The following LRFN5 variants were observed in gnomAD, a reference collection of about 807,000 sequenced individuals.
LRFN5 encodes the protein leucine rich repeat and fibronectin type III domain containing 5.
Under a neutral mutation model 45.6 loss-of-function variants are expected in LRFN5, and 24 were observed. The observed-to-expected ratio is 0.53, with a 90% CI of 0.38 to 0.74. LRFN5 has a LOEUF of 0.74. Among genes scored for constraint, LRFN5 ranks in the 30% least tolerant of loss-of-function variants. The pLI is 0.00. For synonymous variants in LRFN5, 340 were observed against 313.8 expected, an observed-to-expected ratio of 1.08 and a Z score of -0.88; for missense variants, 776 against 861.5, an observed-to-expected ratio of 0.90 and a Z score of 1.24.
chr14:41,769,195 C>CTT (rs1885993338), intron 2 of LRFN5, among the ~76,000 whole-genome samples: 1 of 151,930 alleles, frequency 6.6e-6, no homozygotes, highest in Middle Eastern at 3.2e-3. Context: ...AATGGAATAC[C>CTT]AGAAACTTTC....
intron 2 of LRFN5, among the ~76,000 whole-genome samples, chr14:41,787,982 CTCTT>C (rs1411700760): frequency 6.6e-6 from 1 of 152,018 alleles, no homozygotes; most frequent in Non-Finnish European, 1.5e-5. Flanking sequence ...TGCTGTGTCT[CTCTT>C]TCTAACACAT....
At chr14:41,854,834 G>A (rs1889397397) in intron 2 of LRFN5, among the ~76,000 whole-genome samples, 1 of 152,054 alleles carries the variant, frequency 6.6e-6, no homozygotes, top group African/African-American at 2.4e-5. Flanking sequence ...TTATCTTGTA[G>A]GTTTTAAACT....
At chr14:41,757,782 A>G (rs911121557) in intron 1 of LRFN5, among the ~76,000 whole-genome samples, 11 of 151,600 alleles carry the variant, frequency 7.3e-5, no homozygotes, top group Admixed American at 7.2e-4. Context: ...ACTGTCTGAC[A>G]CTCCCCAGTG....
intron 2 of LRFN5, among the ~76,000 whole-genome samples, chr14:41,804,388 A>C (rs1887447420): frequency 6.6e-6 from 1 of 152,134 alleles, no homozygotes; most frequent in South Asian, 2.1e-4. Flanking sequence ...TCAGAAATGC[A>C]AAAGCCTGAA....
rs1887539483 is a variant in LRFN5, at chr14:41,607,522, T to TGCGTGTGTGTGTGCGC, written c.-1233_-1218dup. On this transcript the variant is annotated 5_prime_UTR_variant, in exon 1 of 6. Coordinates refer to ENST00000298119, the MANE Select transcript of LRFN5 (RefSeq NM_152447.5). ...TTTTGTAAGCCGCTTTCCAGCTAGC[T>TGCGTGTGTGTGTGCGC]GCGTGTGTGTGTGCGCGCGCGTGTG... The TGCGTGTGTGTGTGCGC allele has an allele frequency of 6.6e-6, 1 of 151,870 alleles. No individual in the cohort carries two copies. Among genetic ancestry groups the TGCGTGTGTGTGTGCGC allele is most frequent in the Non-Finnish European group, 1.5e-5 (1 of 68,020 alleles). 9.4% of individuals were successfully genotyped at this position (151,870 alleles called of 1,614,324 possible). A position where few individuals can be genotyped will look rare whatever the true frequency, so the allele number is the denominator to read the frequency against.
At position 41,886,739 on chromosome 14, in the gene LRFN5, C is replaced by T; in HGVS notation, c.114C>T (p.Ala38=). Residue 38 remains alanine, a synonymous_variant, in exon 3 of 6, where the codon GCC becomes GCT. Coordinates refer to ENST00000298119, the MANE Select transcript of LRFN5 (RefSeq NM_152447.5). ...ILSPNLATLC[A]KKGLLFVPPN... The stretch of plus-strand genomic sequence containing the variant: ...CTCCTAATCTTGCAACCCTTTGTGC[C>T]AAGAAAGGGCTTTTATTTGTTCCAC... 1 of 1,614,072 alleles carries T rather than the reference C, an allele frequency of 6.2e-7. No homozygotes were observed. Among genetic ancestry groups the T allele is most frequent in the African/African-American group, 1.3e-5 (1 of 75,016 alleles).
chr14:41,726,080 A>G (rs1883919325), intron 1 of LRFN5, among the ~76,000 whole-genome samples: 1 of 152,178 alleles, frequency 6.6e-6, no homozygotes, highest in Admixed American at 6.6e-5. Flanking sequence ...TGATGATCAC[A>G]ACACATTAAT....
At chr14:41,648,067 A>C (rs1160092609) in intron 1 of LRFN5, among the ~76,000 whole-genome samples, 2 of 152,190 alleles carry the variant, frequency 1.3e-5, no homozygotes, top group African/African-American at 4.8e-5. Context: ...TCCTTTGTTC[A>C]ATAGTATGCT....
intron 1 of LRFN5, among the ~76,000 whole-genome samples, chr14:41,717,443 T>C (rs1192116988): frequency 6.6e-6 from 1 of 152,208 alleles, no homozygotes. Flanking sequence ...CACGTAGTTT[T>C]AAATTGCCAC....
chr14:41,824,077 T>A (rs1055492501), intron 2 of LRFN5, among the ~76,000 whole-genome samples: 2 of 152,180 alleles, frequency 1.3e-5, no homozygotes, highest in African/African-American at 4.8e-5. Context: ...AATTGTTTTT[T>A]CTGATTTCTT....
At chr14:41,865,714 A>G (rs1889817259) in intron 2 of LRFN5, among the ~76,000 whole-genome samples, 3 of 152,230 alleles carry the variant, frequency 2.0e-5, no homozygotes, top group Non-Finnish European at 1.5e-5. Context: ...ATTTCATTAC[A>G]TGTTCACCAA....
chr14:41,826,859 T>C lies in LRFN5; in HGVS notation c.-20-59747T>C, dbSNP rs546113371. Among the ~76,000 whole-genome samples the C allele has an allele frequency of 6.6e-5, 10 of 151,862 alleles. No individual in the cohort carries two copies. In the South Asian group the frequency reaches 2.1e-3, roughly 32 times the overall value. ...TGTAAATGTTGTTTTAATAAGTAAT[T>C]ATTTTGATTCACAAAATAAGTAATT... On this transcript the variant is annotated intron_variant, in intron 2 of 5. Transcript: ENST00000298119.
At chr14:41,671,999 C>T (rs974095873) in intron 1 of LRFN5, among the ~76,000 whole-genome samples, 4 of 152,186 alleles carry the variant, frequency 2.6e-5, no homozygotes, top group African/African-American at 9.7e-5. Flanking sequence ...TCTAACCATG[C>T]TTATTTACCT....
At position 41,886,596 on chromosome 14, in the gene LRFN5, T is replaced by C. The variant is rs756361219; in HGVS notation, c.-20-10T>C. The C allele has an allele frequency of 3.3e-6, 5 of 1,507,000 alleles. No homozygotes were observed. The highest frequency in any genetic ancestry group is 4.4e-6 in the Non-Finnish European group (5 of 1,123,660). 93.4% of individuals were successfully genotyped at this position (1,507,000 alleles called of 1,614,324 possible). On this transcript the variant is annotated splice_polypyrimidine_tract_variant and intron_variant, in intron 2 of 5. Transcript: ENST00000298119. ...GATGCTAACATTCTATTTTGTGTCTTCCGTTACAGGCTCTTAAACCTGATC... is the reference window on the plus strand; with the variant it reads ...GATGCTAACATTCTATTTTGTGTCTCCCGTTACAGGCTCTTAAACCTGATC...
At chr14:41,880,129 G>T (rs191402888) in intron 2 of LRFN5, among the ~76,000 whole-genome samples, 5 of 151,394 alleles carry the variant, frequency 3.3e-5, no homozygotes, top group South Asian at 2.1e-4. Context: ...GGGTTTCACC[G>T]TATTAGCCAG....
intron 2 of LRFN5, among the ~76,000 whole-genome samples, chr14:41,815,645 G>A (rs1887891479): frequency 6.6e-6 from 1 of 152,110 alleles, no homozygotes; most frequent in Admixed American, 6.6e-5. Context: ...GGCTGAGGTG[G>A]GAGGATCCCT....
intron 1 of LRFN5, among the ~76,000 whole-genome samples, chr14:41,759,124 C>T (rs1383438514): frequency 1.3e-5 from 2 of 152,030 alleles, no homozygotes; most frequent in Non-Finnish European, 2.9e-5. Flanking sequence ...TGTAATACCT[C>T]TCACATCAAA....
At chr14:41,901,671 A>G (rs935957580) in intron 5 of LRFN5, among the ~76,000 whole-genome samples, 1 of 152,118 alleles carries the variant, frequency 6.6e-6, no homozygotes, top group African/African-American at 2.4e-5. Flanking sequence ...AATATTGATT[A>G]TGAATACATA....
chr14:41,642,584 C>T (rs117283432), intron 1 of LRFN5, among the ~76,000 whole-genome samples: 1,899 of 152,232 alleles, frequency 0.012, 9 homozygotes, highest in East Asian at 0.015. Flanking sequence ...AAATAGGCTG[C>T]TTGCCAAAAG....
Sources: allele counts gnomAD v4.1 joint callset (sites outside exome capture counted in the v4.1 genomes callset), GRCh38; gene constraint gnomAD v4.1.1; transcripts MANE v1.5; gene names NCBI Gene and HGNC (gene_info 2026-07-23, HGNC 2026-07-21).